PRKCE: variants seen among roughly 807,000 people sequenced by gnomAD.
PRKCE encodes protein kinase C epsilon type.
PRKCE carries 16 observed loss-of-function variants against 85.4 expected under a neutral mutation model. The ratio of observed to expected loss-of-function variants is 0.19; its 90% CI spans 0.13 to 0.28. PRKCE has a LOEUF of 0.28. Ranked by LOEUF, PRKCE falls within the 10% of genes least tolerant of loss-of-function variation. The pLI, the probability that PRKCE is intolerant of heterozygous loss-of-function variation, is 1.00. For missense variants in PRKCE, 573 were observed against 975.2 expected (o/e 0.59, Z 5.49); for synonymous variants, 388 against 371.5 (o/e 1.04, Z -0.51).
chr2:45,979,830 G>A (rs1177061394), intron 4 of PRKCE, among the ~76,000 whole-genome samples: 1 of 152,158 alleles, frequency 6.6e-6, no homozygotes, highest in Non-Finnish European at 1.5e-5. Flanking sequence ...TTGAAGTTTG[G>A]TATGTCAGGA....
intron 1 of PRKCE, among the ~76,000 whole-genome samples, chr2:45,696,090 C>T (rs1678127793): frequency 1.0e-5 from 1 of 97,752 alleles, no homozygotes. Flanking sequence ...TCCCTCCCCT[C>T]CCCCCACCCC....
rs1677087419 is a variant in PRKCE, at chr2:46,155,272, C to T, written c.1920+4043C>T. Among the ~76,000 whole-genome samples, 1 of 152,166 alleles carries T rather than the reference C, an allele frequency of 6.6e-6. No individual in the cohort carries two copies. The highest frequency in any genetic ancestry group is 6.5e-5 in the Admixed American group (1 of 15,276). On this transcript the variant is annotated intron_variant, in intron 13 of 14. Transcript: ENST00000306156. This position sits in a 1 kb window ranked among gnomAD's most constrained non-coding sequence, Gnocchi z 4.7. Reference sequence around the variant, plus strand: ...GATTACAACTAGTTCAACTGAGAGCCAAGGAAAACTTTGACCTGGGTGCCT... The same window carrying T: ...GATTACAACTAGTTCAACTGAGAGCTAAGGAAAACTTTGACCTGGGTGCCT...
At chr2:46,079,775 AC>A (rs1668899954) in intron 10 of PRKCE, among the ~76,000 whole-genome samples, 1 of 152,188 alleles carries the variant, frequency 6.6e-6, no homozygotes, top group Non-Finnish European at 1.5e-5. Context: ...TATCCGTCAC[AC>A]CTTGAAAGGC....
chr2:45,803,648 G>A (rs1688035515), intron 1 of PRKCE, among the ~76,000 whole-genome samples: 2 of 152,286 alleles, frequency 1.3e-5, no homozygotes, highest in African/African-American at 4.8e-5. Flanking sequence ...CTGATGGTTT[G>A]GATGTGGACA....
At chr2:45,715,220 A>G (rs956838441) in intron 1 of PRKCE, among the ~76,000 whole-genome samples, 4 of 152,226 alleles carry the variant, frequency 2.6e-5, no homozygotes, top group South Asian at 2.1e-4. Flanking sequence ...AGGAGTGCCC[A>G]CCACGAGATG....
intron 10 of PRKCE, among the ~76,000 whole-genome samples, chr2:46,036,840 T>C (rs1406862489): frequency 6.6e-6 from 1 of 152,028 alleles, no homozygotes; most frequent in Non-Finnish European, 1.5e-5. Flanking sequence ...AGGGGCCTAG[T>C]GGAAGATAAT....
At chr2:45,861,104 G>C (rs987258129) in intron 2 of PRKCE, among the ~76,000 whole-genome samples, 32 of 152,308 alleles carry the variant, frequency 2.1e-4, no homozygotes, top group African/African-American at 7.2e-4. Context: ...CAGAACTCAA[G>C]TGGGGAGGCT....
chr2:45,831,437 C>T (rs183457856), intron 1 of PRKCE, among the ~76,000 whole-genome samples: 2 of 152,226 alleles, frequency 1.3e-5, no homozygotes, highest in East Asian at 3.9e-4. Flanking sequence ...ATGGGGAATG[C>T]TGGAAGCACT....
intron 1 of PRKCE, among the ~76,000 whole-genome samples, chr2:45,670,156 C>T (rs763565927): frequency 4.2e-4 from 64 of 152,204 alleles, no homozygotes; most frequent in Non-Finnish European, 7.8e-4. Flanking sequence ...CACCCCCACC[C>T]AGTAAGTCGG....
intron 1 of PRKCE, among the ~76,000 whole-genome samples, chr2:45,688,615 C>T (rs1005419030): frequency 2.0e-5 from 3 of 152,124 alleles, no homozygotes; most frequent in Admixed American, 6.5e-5. Flanking sequence ...AATGCCTAAA[C>T]CACCAAATGA....
intron 2 of PRKCE, among the ~76,000 whole-genome samples, chr2:45,928,570 C>G (rs1698804022): frequency 6.6e-6 from 1 of 152,158 alleles, no homozygotes; most frequent in African/African-American, 2.4e-5. Flanking sequence ...GTGCCCGGCC[C>G]ATAACTTTAC....
intron 1 of PRKCE, among the ~76,000 whole-genome samples, chr2:45,793,049 T>A (rs942940633): frequency 2.0e-5 from 3 of 152,242 alleles, no homozygotes; most frequent in African/African-American, 7.2e-5. Flanking sequence ...TCTGCCCGCC[T>A]TGGCCTCCCA....
chr2:45,741,286 C>G (rs1332531338), intron 1 of PRKCE, among the ~76,000 whole-genome samples: 4 of 152,198 alleles, frequency 2.6e-5, no homozygotes, highest in Middle Eastern at 3.2e-3. Flanking sequence ...AATTGAACAG[C>G]TGTAACAAAG....
At chr2:45,932,515 C>A (rs909333822) in intron 2 of PRKCE, among the ~76,000 whole-genome samples, 2 of 152,224 alleles carry the variant, frequency 1.3e-5, no homozygotes, top group African/African-American at 4.8e-5. Flanking sequence ...AATTTACACA[C>A]CCACCAACAG....
At chr2:46,151,317 A>T in intron 13 of PRKCE, 88 bp downstream of exon 13, 2 of 1,086,634 alleles carry the variant, frequency 1.8e-6, no homozygotes, top group East Asian at 2.7e-5. Context: ...ACACACACAC[A>T]CACACACTCC....
chr2:46,045,898 A>C (rs1467142349), intron 10 of PRKCE, among the ~76,000 whole-genome samples: 1 of 152,124 alleles, frequency 6.6e-6, no homozygotes, highest in Admixed American at 6.5e-5. Context: ...AGAAGAAGAA[A>C]GAAAATGAAA....
rs146263016 is a variant in PRKCE, at chr2:46,036,834, G to C, written c.1437+26317G>C. ...ACCTCAGTGGAGAGTTTGTGTAGGG[G>C]CCTAGTGGAAGATAATGCAGAAGAG... is the stretch of plus-strand genomic sequence containing the variant. On this transcript the variant is annotated intron_variant, in intron 10 of 14. Transcript: ENST00000306156. Among the ~76,000 whole-genome samples, 312 of 152,282 alleles carry C rather than the reference G, an allele frequency of 2.0e-3. 2 individuals are homozygous for C. Among genetic ancestry groups the C allele is most frequent in the African/African-American group, 7.2e-3 (300 of 41,532 alleles).
Position 46,004,210 on chromosome 2 carries a change from C to G in PRKCE, c.967-332C>G, listed in dbSNP as rs762995677. 2 of 338,176 alleles carry G rather than the reference C, an allele frequency of 5.9e-6. No homozygotes were observed. The highest frequency in any genetic ancestry group is 1.2e-5 in the Non-Finnish European group (2 of 172,812). 20.9% of individuals were successfully genotyped at this position (338,176 alleles called of 1,614,324 possible). A position where few individuals can be genotyped will look rare whatever the true frequency, so the allele number is the denominator to read the frequency against. Reference sequence around the variant, plus strand: ...TAACCTTTATGGTGTCCTCGCACAACCCGAACTACTTCATCCTTTTGGATG... The same window carrying G: ...TAACCTTTATGGTGTCCTCGCACAAGCCGAACTACTTCATCCTTTTGGATG... On this transcript the variant is annotated intron_variant, in intron 7 of 14. Transcript: ENST00000306156. This position sits in a 1 kb window ranked among gnomAD's most constrained non-coding sequence, Gnocchi z 4.1.
chr2:45,795,331 G>T (rs1033096595), intron 1 of PRKCE, among the ~76,000 whole-genome samples: 1 of 152,034 alleles, frequency 6.6e-6, no homozygotes, highest in South Asian at 2.1e-4. Flanking sequence ...TTTTTGAGAT[G>T]GAGTGTTGCT....
Sources: allele counts gnomAD v4.1 joint callset (sites outside exome capture counted in the v4.1 genomes callset), GRCh38; gene constraint gnomAD v4.1.1; non-coding constraint Gnocchi (gnomAD v3.1); transcripts MANE v1.5; gene names NCBI Gene and HGNC (gene_info 2026-07-23, HGNC 2026-07-21).